Variants in ITGB1 observed in about 807,000 individuals in gnomAD.
ITGB1 encodes integrin subunit beta 1, also known as integrin beta-1.
A neutral mutation model predicts 86.5 loss-of-function variants in ITGB1; 24 were observed. The ratio of observed to expected loss-of-function variants is 0.28; its 90% CI spans 0.20 to 0.39. ITGB1 has a LOEUF of 0.39. Ranked by LOEUF, ITGB1 falls within the 10% of genes least tolerant of loss-of-function variation. ITGB1 has a pLI of 1.00. For missense variants in ITGB1, 556 were observed against 946.9 expected, an observed-to-expected ratio of 0.59 and a Z score of 5.42; for synonymous variants, 323 against 316.8, an observed-to-expected ratio of 1.02 and a Z score of -0.21.
In ITGB1 at chr10:32,920,208, C is replaced by G. The variant is rs1265373875; in HGVS notation, c.1269+37G>C. ...ATAAACTAAATTTGCTTATAAATAA[C>G]CAATGTTTTCTACAGAAAATGCTTT... is the stretch of plus-strand genomic sequence containing the variant. On this transcript the variant is annotated intron_variant, in intron 10 of 15. Transcript: ENST00000302278. 5.0e-6 allele frequency: 8 copies of G among 1,594,546 alleles called. No individual in the cohort carries two copies. The South Asian group carries it at 9.1e-5, about 18-fold the overall frequency.
At chr10:32,919,771 G>T in intron 11 of ITGB1, 114 bp downstream of exon 11, 1 of 879,332 alleles carries the variant, frequency 1.1e-6, no homozygotes, top group Non-Finnish European at 1.8e-6. Context: ...ACCGTGGTTG[G>T]AAAAAATAAT....
rs1240854641 is a variant in ITGB1 at position 32,900,592 on chromosome 10, G to A, written c.*978C>T. 6.8e-6 allele frequency: 1 copy of A among 147,420 alleles called. No individual in the cohort carries two copies. Among genetic ancestry groups the A allele is most frequent in the Non-Finnish European group, 1.5e-5 (1 of 66,850 alleles). The allele number at this position is 147,420 out of a possible 1,614,324, so 9.1% of individuals were successfully genotyped here. The stretch of plus-strand genomic sequence containing the variant: ...AGTAAGACTCGCGTAGGTGAGAGCT[G>A]TTGCATAGCCACAGTATAACTTCAC... On this transcript the variant is annotated 3_prime_UTR_variant, in exon 16 of 16. Transcript: ENST00000302278.
Position 32,911,642 on chromosome 10 carries a change from AC to A in ITGB1, c.1736del (p.Cys579LeufsTer95). On this transcript the variant is annotated frameshift_variant, in exon 13 of 16. Transcript: ENST00000302278. LOFTEE classifies it high-confidence loss of function. Reference protein sequence around the residue: ...GGNGVCKCRVCECNPNYTGSA... With the variant: ...GGNGVCKCRVXECNPNYTGSA... ...TGCCAGTGTAGTTGGGGTTGCACTC[AC>A]ACACACGACACTTGCAAACACCATT... 6.2e-7 allele frequency: 1 copy of A among 1,614,050 alleles called. No homozygotes were observed. Among genetic ancestry groups the A allele is most frequent in the East Asian group, 2.2e-5 (1 of 44,902 alleles).
intron 15 of ITGB1, among the ~76,000 whole-genome samples, chr10:32,905,965 A>G (rs966144713): frequency 6.6e-6 from 1 of 152,216 alleles, no homozygotes; most frequent in Non-Finnish European, 1.5e-5. Context: ...GCATGATTTT[A>G]TTAGAATATG....
chr10:32,911,595 T>C lies in ITGB1; in HGVS notation c.1784A>G (p.Asp595Gly), dbSNP rs1790894690. ...YTGSACDCSL[D>G]TSTCEASNGQ... The stretch of plus-strand genomic sequence containing the variant: ...GTTGCTGGCTTCACAAGTACTAGTA[T>C]CCAAAGAACAGTCACATGCACTGCC... The change falls in exon 13 of 16, where the codon GAT (aspartate) becomes GGT (glycine). Residue 595 changes from aspartate to glycine, a missense_variant. By Grantham distance (94) the Asp-to-Gly change is moderately conservative. This residue lies in a region of ITGB1 where 330 missense variants were observed against 531.5 expected (regional missense o/e 0.62). Transcript: ENST00000302278. The C allele has an allele frequency of 1.9e-6, 3 of 1,613,952 alleles. No individual in the cohort carries two copies. The highest frequency in any genetic ancestry group is 1.1e-5 in the South Asian group (1 of 91,072).
At position 32,912,114 on chromosome 10, in the gene ITGB1, C is replaced by T; in HGVS notation, c.1480G>A (p.Gly494Arg). Reference sequence around the variant, plus strand: ...CATTCACAATGTCTACCAACACGCCCTTCATTGCACCTGAAGAAACATGCC... The same window carrying T: ...CATTCACAATGTCTACCAACACGCCTTTCATTGCACCTGAAGAAACATGCC... ...FECGACRCNE[G>R]RVGRHCECST... is the part of the protein sequence containing the mutation. The change falls in exon 12 of 16, where the codon GGG (glycine) becomes AGG (arginine). Residue 494 changes from glycine to arginine, a missense_variant. Gly to Arg is a moderately radical substitution (Grantham distance 125). This residue lies in a region of ITGB1 where 330 missense variants were observed against 531.5 expected (regional missense o/e 0.62). Transcript: ENST00000302278. 3.7e-6 allele frequency: 6 copies of T among 1,610,592 alleles called. No individual in the cohort carries two copies. Among genetic ancestry groups the T allele is most frequent in the Non-Finnish European group, 5.1e-6 (6 of 1,177,676 alleles).
intron 1 of ITGB1, among the ~76,000 whole-genome samples, chr10:32,942,697 T>TG (rs77276454): frequency 6.2e-5 from 9 of 145,848 alleles, no homozygotes; most frequent in Non-Finnish European, 7.6e-5. Flanking sequence ...TTTTTTTTTT[T>TG]GGGGGGAGAC....
chr10:32,930,228 A>G (rs1046336811), intron 3 of ITGB1, among the ~76,000 whole-genome samples, 184 bp from the exon 4 acceptor site: 1 of 152,218 alleles, frequency 6.6e-6, no homozygotes, highest in Non-Finnish European at 1.5e-5. Context: ...TTAAAAAACA[A>G]TCATTTCCAA....
intron 3 of ITGB1, among the ~76,000 whole-genome samples, chr10:32,932,108 G>A (rs963903792): frequency 2.6e-5 from 4 of 151,650 alleles, no homozygotes; most frequent in Non-Finnish European, 5.9e-5. Context: ...TTTTTTGAAG[G>A]TTCTCCCATA....
At chr10:32,918,319 T>G (rs1171463092) in intron 11 of ITGB1, among the ~76,000 whole-genome samples, 1 of 152,064 alleles carries the variant, frequency 6.6e-6, no homozygotes, top group Non-Finnish European at 1.5e-5. Flanking sequence ...GTTTTGCACA[T>G]GTACCCTAGA....
At chr10:32,923,881 T>A in intron 6 of ITGB1, 141 bp from the exon 7 acceptor site, 1 of 698,316 alleles carries the variant, frequency 1.4e-6, no homozygotes, top group Non-Finnish European at 2.3e-6. Context: ...ATGGTAATTA[T>A]CTTGCTGAGA....
intron 1 of ITGB1, among the ~76,000 whole-genome samples, chr10:32,953,086 T>C: frequency 6.6e-6 from 1 of 152,212 alleles, no homozygotes; most frequent in East Asian, 1.9e-4. Context: ...GATTGGATTC[T>C]TCCCATGCTG....
At chr10:32,927,742 C>T (rs1176067766) in intron 5 of ITGB1, among the ~76,000 whole-genome samples, 1 of 151,640 alleles carries the variant, frequency 6.6e-6, no homozygotes, top group Non-Finnish European at 1.5e-5. Flanking sequence ...TGCAGTGAGC[C>T]GAGATCACAC....
At chr10:32,935,397 G>A (rs901014209) in intron 2 of ITGB1, 95 bp downstream of exon 2, 20 of 749,722 alleles carry the variant, frequency 2.7e-5, no homozygotes, top group African/African-American at 2.6e-4. Context: ...GGAGCAGCAT[G>A]ATTATGACTT....
At chr10:32,943,653 C>T (rs923979830) in intron 1 of ITGB1, among the ~76,000 whole-genome samples, 1 of 152,044 alleles carries the variant, frequency 6.6e-6, no homozygotes, top group East Asian at 1.9e-4. Context: ...CAGAGACAGG[C>T]AGTCTTGGGG....
At chr10:32,956,821 T>G (rs2095053280) in intron 1 of ITGB1, among the ~76,000 whole-genome samples, 1 of 152,250 alleles carries the variant, frequency 6.6e-6, no homozygotes, top group African/African-American at 2.4e-5. Flanking sequence ...TTTTAACATC[T>G]TTTTACTATA....
chr10:32,940,519 T>C (rs762680581), intron 1 of ITGB1, among the ~76,000 whole-genome samples: 40 of 152,186 alleles, frequency 2.6e-4, no homozygotes, highest in Non-Finnish European at 5.1e-4. Context: ...TGTGTTGCAC[T>C]ATGACACTAC....
intron 14 of ITGB1, among the ~76,000 whole-genome samples, chr10:32,909,334 C>A (rs1471478203): frequency 6.6e-6 from 1 of 152,060 alleles, no homozygotes; most frequent in Non-Finnish European, 1.5e-5. Flanking sequence ...CACACTAACT[C>A]AAAATGAGTT....
Position 32,929,867 on chromosome 10 carries a change from T to C in ITGB1, c.331A>G (p.Ile111Val), listed in dbSNP as rs778838990. 4 of 1,613,656 alleles carry C rather than the reference T, an allele frequency of 2.5e-6. No homozygotes were observed. In the South Asian group the frequency reaches 3.3e-5, roughly 13 times the overall value. The change falls in exon 4 of 16, where the codon ATT (isoleucine) becomes GTT (valine). Residue 111 changes from isoleucine to valine, a missense_variant. Ile to Val is a conservative substitution (Grantham distance 29). This residue lies in a region of ITGB1 where 183 missense variants were observed against 263.9 expected (regional missense o/e 0.69). Coordinates refer to ENST00000302278, the MANE Select transcript of ITGB1 (RefSeq NM_002211.4). ...AACTGCTGTGGTTGGATCTGAGTAA[T>C]ATCCTCTGGCTTGAGCTTCTCTGCT... ...GTAEKLKPED[I>V]TQIQPQQLVL...
Sources: allele counts gnomAD v4.1 joint callset (sites outside exome capture counted in the v4.1 genomes callset), GRCh38; gene constraint gnomAD v4.1.1; regional missense constraint gnomAD v4.1.1; transcripts MANE v1.5; gene names NCBI Gene and HGNC (gene_info 2026-07-23, HGNC 2026-07-21).